The following MAP3K1 variants were observed in gnomAD, a reference collection of about 807,000 sequenced individuals.
MAP3K1 encodes mitogen-activated protein kinase kinase kinase 1.
In MAP3K1, 36 loss-of-function variants were observed where a neutral mutation model predicts 144.2. That is an observed-to-expected ratio of 0.25 (90% confidence interval 0.19 to 0.33). MAP3K1 has a LOEUF of 0.33. MAP3K1 is among the 10% of genes least tolerant of loss of function. The probability of loss-of-function intolerance (pLI) is 1.00; values close to 1 mark genes in which losing one functional copy is unlikely to be tolerated. For synonymous variants in MAP3K1, 718 were observed against 688.7 expected, an observed-to-expected ratio of 1.04 and a Z score of -0.67; for missense variants, 1,650 against 1,881.9, an observed-to-expected ratio of 0.88 and a Z score of 2.28.
Position 56,893,994 on chromosome 5 carries a change from CA to C in MAP3K1, c.*315del, listed in dbSNP as rs1358736750. 3 of 426,184 alleles carry C rather than the reference CA, an allele frequency of 7.0e-6. No homozygotes were observed. The highest frequency in any genetic ancestry group is 5.9e-5 in the African/African-American group (3 of 51,040). 26.4% of individuals were successfully genotyped at this position (426,184 alleles called of 1,614,324 possible). On this transcript the variant is annotated 3_prime_UTR_variant, in exon 20 of 20. Coordinates refer to ENST00000399503, the MANE Select transcript of MAP3K1 (RefSeq NM_005921.2). ...ATTTTATTTTTTTGGAGCACTTTTT[CA>C]GCAATATTAGCGGCTGAGGGGCTCA...
At position 56,851,708 on chromosome 5, in the gene MAP3K1, G is replaced by A. The variant is rs182978935; in HGVS notation, c.483-4892G>A. Reference sequence around the variant, plus strand: ...AGAGCTGACTCAGGCGTACAATACCGTTCAGTACAGAAGGTCATTGGACCA... The same window carrying A: ...AGAGCTGACTCAGGCGTACAATACCATTCAGTACAGAAGGTCATTGGACCA... On this transcript the variant is annotated intron_variant, in intron 1 of 19. Coordinates refer to ENST00000399503, the MANE Select transcript of MAP3K1 (RefSeq NM_005921.2). Among the ~76,000 whole-genome samples, 20 of 152,308 alleles carry A rather than the reference G, an allele frequency of 1.3e-4. No individual in the cohort carries two copies. The East Asian group carries it at 1.5e-3, about 12-fold the overall frequency.
intron 1 of MAP3K1, among the ~76,000 whole-genome samples, chr5:56,844,189 T>G (rs945792707): frequency 1.2e-4 from 16 of 131,198 alleles, no homozygotes; most frequent in African/African-American, 4.6e-4. Flanking sequence ...TTTGGTTTTT[T>G]TTTTTTTTTT....
At chr5:56,884,858 G>C in intron 16 of MAP3K1, 32 bp downstream of exon 16, 1 of 1,594,024 alleles carries the variant, frequency 6.3e-7, no homozygotes, top group African/African-American at 1.3e-5. Flanking sequence ...CAAAATAGTA[G>C]TACGTGGATT....
rs752062267 is a variant in MAP3K1, at chr5:56,881,968, G to C, written c.2768G>C (p.Ser923Thr). The change falls in exon 14 of 20, where the codon AGT becomes ACT. Residue 923 changes from serine (S) to threonine (T), a missense_variant. By Grantham distance (58) the Ser-to-Thr change is moderately conservative. This residue lies in a region of MAP3K1 where 841 missense variants were observed against 886.5 expected (regional missense o/e 0.95). Transcript: ENST00000399503. ...KGLCATKLSA[S>T]SEDISERLAS... is the part of the protein sequence containing the mutation. ...TTATGTGCTACAAAATTGAGTGCCA[G>C]TTCAGAGGACATTTCTGAGAGACTG... 1 of 1,614,062 alleles carries C rather than the reference G, an allele frequency of 6.2e-7. No individual in the cohort carries two copies. The highest frequency in any genetic ancestry group is 8.5e-7 in the Non-Finnish European group (1 of 1,180,018).
At position 56,873,013 on chromosome 5, in the gene MAP3K1, G is replaced by A. The variant is rs781211690; in HGVS notation, c.1686+8G>A. On this transcript the variant is annotated splice_region_variant and intron_variant, in intron 9 of 19. Transcript: ENST00000399503. The stretch of plus-strand genomic sequence containing the variant: ...GCTGAGCCATGGATTCAGGTAAGTA[G>A]TTCTTTGTTTTTCATTTCTCAAAGA... The A allele has an allele frequency of 1.2e-6, 2 of 1,611,958 alleles. No homozygotes were observed. Among genetic ancestry groups the A allele is most frequent in the Admixed American group, 3.3e-5 (2 of 59,912 alleles).
At chr5:56,853,009 A>C (rs1038764363) in intron 1 of MAP3K1, among the ~76,000 whole-genome samples, 1 of 152,206 alleles carries the variant, frequency 6.6e-6, no homozygotes, top group Admixed American at 6.5e-5. Flanking sequence ...GTATGTAAAA[A>C]AATTTTTCAC....
intron 14 of MAP3K1, among the ~76,000 whole-genome samples, chr5:56,883,225 C>G (rs190247329): frequency 6.6e-6 from 1 of 152,258 alleles, no homozygotes; most frequent in Non-Finnish European, 1.5e-5. Context: ...TAAAATAAAC[C>G]TAATTCAGAA....
rs368684003 is a variant in MAP3K1 at position 56,855,187 on chromosome 5, C to G, written c.483-1413C>G. On this transcript the variant is annotated intron_variant, in intron 1 of 19. Transcript: ENST00000399503. Reference sequence around the variant, plus strand: ...CTCCATCCCCCCTTCCTCTTTCCTTCTTTCTCCTCCCTCCCTCTCTTACTT... The same window carrying G: ...CTCCATCCCCCCTTCCTCTTTCCTTGTTTCTCCTCCCTCCCTCTCTTACTT... 2.2e-4 allele frequency among the ~76,000 whole-genome samples: 33 copies of G among 151,744 alleles called. No individual in the cohort carries two copies. In the East Asian group the frequency reaches 2.9e-3, roughly 13 times the overall value.
chr5:56,877,310 A>T (rs1748069246), intron 10 of MAP3K1, among the ~76,000 whole-genome samples: 1 of 152,164 alleles, frequency 6.6e-6, no homozygotes, highest in Non-Finnish European at 1.5e-5. Context: ...TACACACCGT[A>T]ACTGCCTTAC....
intron 1 of MAP3K1, 136 bp downstream of exon 1, chr5:56,816,191 C>G (rs867412588): frequency 1.1e-6 from 1 of 920,256 alleles, no homozygotes; most frequent in South Asian, 5.5e-5. Flanking sequence ...ACCTACGCCC[C>G]TGAGCACCCC....
intron 1 of MAP3K1, among the ~76,000 whole-genome samples, chr5:56,853,081 C>A (rs1023484671): frequency 6.6e-6 from 1 of 152,038 alleles, no homozygotes; most frequent in African/African-American, 2.4e-5. Flanking sequence ...GTGGCAAATA[C>A]AATAGGATTT....
At chr5:56,870,795 G>A (rs537278415) in intron 6 of MAP3K1, among the ~76,000 whole-genome samples, 1 of 152,176 alleles carries the variant, frequency 6.6e-6, no homozygotes, top group African/African-American at 2.4e-5. Context: ...TGTACATTAA[G>A]TACATCTCCA....
chr5:56,854,124 A>C (rs1336452719), intron 1 of MAP3K1, among the ~76,000 whole-genome samples: 1 of 152,176 alleles, frequency 6.6e-6, no homozygotes, highest in Non-Finnish European at 1.5e-5. Flanking sequence ...TTAACCCAGC[A>C]TTTCCATTTC....
At chr5:56,887,680 C>T (rs1373125182) in intron 18 of MAP3K1, 160 bp downstream of exon 18, 10 of 767,156 alleles carry the variant, frequency 1.3e-5, no homozygotes, top group Non-Finnish European at 2.0e-5. Context: ...GACCCTTATT[C>T]TCGACCTTTC....
intron 1 of MAP3K1, among the ~76,000 whole-genome samples, chr5:56,818,498 A>T (rs1474874049): frequency 2.0e-5 from 3 of 152,016 alleles, no homozygotes; most frequent in Admixed American, 1.3e-4. Flanking sequence ...ATATACTTTG[A>T]ATTAGAATTT....
At chr5:56,816,126 A>G in intron 1 of MAP3K1, 71 bp downstream of exon 1, 1 of 1,165,898 alleles carries the variant, frequency 8.6e-7, no homozygotes, top group Non-Finnish European at 1.1e-6. Context: ...AACCCCGGGC[A>G]CCATGCACGG....
At chr5:56,854,309 T>C (rs1048708706) in intron 1 of MAP3K1, among the ~76,000 whole-genome samples, 1 of 151,514 alleles carries the variant, frequency 6.6e-6, no homozygotes, top group Admixed American at 6.6e-5. Context: ...GGCACATGCC[T>C]GTAATACTAG....
rs747746213 is a variant in MAP3K1, at chr5:56,884,729, A to G, written c.3885A>G (p.Ile1295Met). ...EEVVEALREE[I>M]RMMSHLNHPN... The stretch of plus-strand genomic sequence containing the variant: ...TAGTAGAAGCACTAAGAGAAGAGAT[A>G]AGAATGATGAGCCATCTGAATCATC... Residue 1295 changes from isoleucine to methionine, a missense_variant, in exon 16 of 20, where the codon ATA (isoleucine) becomes ATG (methionine). Coordinates refer to ENST00000399503, the MANE Select transcript of MAP3K1 (RefSeq NM_005921.2). 1 of 1,613,836 alleles carries G rather than the reference A, an allele frequency of 6.2e-7. No individual in the cohort carries two copies. Among genetic ancestry groups the G allele is most frequent in the South Asian group, 1.1e-5 (1 of 91,082 alleles).
Position 56,875,257 on chromosome 5 carries a change from G to A in MAP3K1, c.1912G>A (p.Val638Ile), listed in dbSNP as rs202189340. 2.7e-4 allele frequency: 439 copies of A among 1,614,000 alleles called. 3 individuals carry two copies. The highest frequency in any genetic ancestry group is 3.4e-4 in the Non-Finnish European group (403 of 1,180,018). Residue 638 changes from valine to isoleucine, a missense_variant, in exon 10 of 20, where the codon GTT (valine) becomes ATT (isoleucine). This residue lies in a region of MAP3K1 where 841 missense variants were observed against 886.5 expected (regional missense o/e 0.95). Transcript: ENST00000399503. ...AGATGTGGTGGAGGCATGCTGCAGC[G>A]TTCTGTCAATGGTCTGTGCTGACCC... The part of the protein sequence containing the change: ...SGDVVEACCS[V>I]LSMVCADPVY...
Sources: gnomAD v4.1 joint callset for allele counts (sites outside exome capture counted in the v4.1 genomes callset) on GRCh38, gnomAD v4.1.1 for gene constraint, gnomAD v4.1.1 regional missense constraint, MANE v1.5 for transcripts, NCBI Gene and HGNC (gene_info 2026-07-23, HGNC 2026-07-21) for gene names.